The following PBX1 variants were observed in gnomAD, a reference collection of about 807,000 sequenced individuals.
The protein encoded by PBX1 is pre-B-cell leukemia transcription factor 1.
In PBX1, 6 loss-of-function variants were observed where a neutral mutation model predicts 53.4. The ratio of observed to expected loss-of-function variants is 0.11; its 90% CI spans 0.06 to 0.22. The LOEUF is 0.22. Ranked by LOEUF, PBX1 falls within the 10% of genes least tolerant of loss-of-function variation. PBX1 has a pLI of 1.00. For missense variants in PBX1, 251 were observed against 551.4 expected (o/e 0.46, Z 5.46); for synonymous variants, 204 against 212.3 (o/e 0.96, Z 0.34).
intron 6 of PBX1, chr1:164,817,704 CA>C: frequency 6.6e-6 from 1 of 152,358 alleles, no homozygotes; most frequent in African/African-American, 2.4e-5. Context: ...GTGTCAATTG[CA>C]ATGTGTATCT....
In PBX1 at chr1:164,765,095, A is replaced by G. The variant is rs115533835; in HGVS notation, c.266-27399A>G. 2.6e-5 allele frequency among the ~76,000 whole-genome samples: 4 copies of G among 152,144 alleles called. No homozygotes were observed. In the East Asian group the frequency reaches 7.7e-4, roughly 29 times the overall value. On this transcript the variant is annotated intron_variant, in intron 2 of 8. Coordinates refer to ENST00000420696, the MANE Select transcript of PBX1 (RefSeq NM_002585.4). ...TAATTGCTTCTGTCAGCGGCCACAT[A>G]TATGGTTGTCAACAGTTTACAGACA...
At chr1:164,567,966 T>C (rs767180667) in intron 2 of PBX1, among the ~76,000 whole-genome samples, 4 of 152,240 alleles carry the variant, frequency 2.6e-5, no homozygotes, top group Admixed American at 6.5e-5. Flanking sequence ...GTGGGTTCTG[T>C]ACAGTAGGCT....
At chr1:164,652,944 G>A (rs940311012) in intron 2 of PBX1, among the ~76,000 whole-genome samples, 1 of 150,528 alleles carries the variant, frequency 6.6e-6, no homozygotes, top group African/African-American at 2.5e-5. Context: ...ACCTTGGCTT[G>A]CTTCAATCTC....
intron 2 of PBX1, among the ~76,000 whole-genome samples, chr1:164,643,730 A>G (rs2792264): frequency 0.91 from 137,972 of 152,240 alleles, 64,125 homozygotes; most frequent in East Asian, 1. Context: ...ACAAATAGCC[A>G]ACGAAGAAGC....
intron 2 of PBX1, among the ~76,000 whole-genome samples, chr1:164,596,153 C>A (rs2101786388): frequency 6.6e-6 from 1 of 150,612 alleles, no homozygotes; most frequent in East Asian, 2.0e-4. Context: ...ATTAATACAT[C>A]AGGTATCTTT....
intron 2 of PBX1, among the ~76,000 whole-genome samples, chr1:164,786,711 GT>G (rs1158056575): frequency 4.1e-5 from 6 of 146,380 alleles, no homozygotes; most frequent in African/African-American, 1.3e-4. Flanking sequence ...GTGTGTGTGT[GT>G]GTGTGTGTGC....
intron 2 of PBX1, chr1:164,577,136 A>G (rs958961362): frequency 1.3e-5 from 2 of 152,156 alleles, no homozygotes; most frequent in Admixed American, 6.5e-5. Context: ...TAAATAATAT[A>G]ATCTGGAGTT....
At chr1:164,809,513 A>G (rs1354424391) in intron 5 of PBX1, among the ~76,000 whole-genome samples, 1 of 152,194 alleles carries the variant, frequency 6.6e-6, no homozygotes, top group Non-Finnish European at 1.5e-5. Context: ...CAAGGAGCCT[A>G]TTTTTGACAA....
In PBX1 at chr1:164,691,273, C is replaced by G. The variant is rs1662468929; in HGVS notation, c.266-101221C>G. 2.6e-5 allele frequency among the ~76,000 whole-genome samples: 4 copies of G among 152,158 alleles called. No individual in the cohort carries two copies. In the South Asian group the frequency reaches 8.3e-4, roughly 32 times the overall value. On this transcript the variant is annotated intron_variant, in intron 2 of 8. Transcript: ENST00000420696. ...AAGTGATCCTCCCACCTTGGCCTCC[C>G]AAAGTGCTGGGGTTACAGGCATGAG...
intron 2 of PBX1, among the ~76,000 whole-genome samples, chr1:164,577,871 G>T (rs1654361253): frequency 6.6e-6 from 1 of 152,194 alleles, no homozygotes; most frequent in Admixed American, 6.5e-5. Context: ...TAGTAACTCT[G>T]GGGGAGAGGA....
At chr1:164,600,320 C>T (rs1006821499) in intron 2 of PBX1, among the ~76,000 whole-genome samples, 1 of 142,644 alleles carries the variant, frequency 7.0e-6, no homozygotes, top group African/African-American at 2.6e-5. Flanking sequence ...GGCGTGATCT[C>T]GGCTCACCGC....
At chr1:164,742,228 G>T (rs867999758) in intron 2 of PBX1, among the ~76,000 whole-genome samples, 4 of 152,154 alleles carry the variant, frequency 2.6e-5, no homozygotes, top group South Asian at 4.2e-4. Flanking sequence ...GGATTGGAAG[G>T]CCCATCATGT....
intron 8 of PBX1, among the ~76,000 whole-genome samples, chr1:164,832,051 A>G (rs1038867382): frequency 6.6e-6 from 1 of 152,240 alleles, no homozygotes; most frequent in Non-Finnish European, 1.5e-5. Context: ...TCTAATAGAT[A>G]TCAGAAAGTT....
chr1:164,833,084 A>G (rs1443613945), intron 8 of PBX1, among the ~76,000 whole-genome samples: 2 of 152,202 alleles, frequency 1.3e-5, no homozygotes, highest in East Asian at 1.9e-4. Context: ...TATGTACATT[A>G]ACTTCTTTAA....
chr1:164,644,670 A>T (rs1243785974), intron 2 of PBX1, among the ~76,000 whole-genome samples: 1 of 152,204 alleles, frequency 6.6e-6, no homozygotes, highest in African/African-American at 2.4e-5. Flanking sequence ...ATTGCCTGAA[A>T]TAGACTGTTT....
intron 2 of PBX1, among the ~76,000 whole-genome samples, chr1:164,710,237 T>C (rs149333827): frequency 6.6e-6 from 1 of 152,172 alleles, no homozygotes; most frequent in Non-Finnish European, 1.5e-5. Context: ...GCATCACACA[T>C]CAGAGGGAAT....
At chr1:164,562,552 A>G (rs1342016117) in intron 1 of PBX1, among the ~76,000 whole-genome samples, 2 of 151,894 alleles carry the variant, frequency 1.3e-5, no homozygotes, top group Non-Finnish European at 2.9e-5. Context: ...CAATGGGTGC[A>G]AGGTCCTAAT....
intron 2 of PBX1, among the ~76,000 whole-genome samples, chr1:164,580,402 C>A (rs1654526807): frequency 6.6e-6 from 1 of 152,188 alleles, no homozygotes; most frequent in Non-Finnish European, 1.5e-5. Context: ...CCTTAGCCTC[C>A]CGAGTAGCTG....
downstream of PBX1, among the ~76,000 whole-genome samples, chr1:164,853,133 C>T (rs1671897017): frequency 6.6e-6 from 1 of 152,196 alleles, no homozygotes; most frequent in East Asian, 1.9e-4. Flanking sequence ...TACTCTGTGG[C>T]TCATCCATCC....
Sources: allele counts gnomAD v4.1 joint callset (sites outside exome capture counted in the v4.1 genomes callset), GRCh38; gene constraint gnomAD v4.1.1; transcripts MANE v1.5; gene names NCBI Gene and HGNC (gene_info 2026-07-23, HGNC 2026-07-21).